ANXA8: variants seen among roughly 807,000 people sequenced by gnomAD.
ANXA8 encodes annexin A8, also known as VAC-beta.
A neutral mutation model predicts 26.8 loss-of-function variants in ANXA8; 9 were observed. That is an observed-to-expected ratio of 0.34 (90% CI 0.20 to 0.59). The LOEUF is 0.59. ANXA8 is among the 20% of genes least tolerant of loss of function. ANXA8 has a pLI of 0.84. For missense variants in ANXA8, 83 were observed against 238.5 expected, an observed-to-expected ratio of 0.35 and a Z score of 4.29; for synonymous variants, 39 against 94.8, an observed-to-expected ratio of 0.41 and a Z score of 3.42.
At chr10:47,937,381 C>T in the ANXA8 span, among the ~76,000 whole-genome samples, 1 of 149,256 alleles carries the variant, frequency 6.7e-6, no homozygotes, top group Non-Finnish European at 1.5e-5. Flanking sequence ...AATTTGTGCT[C>T]TTCTAAGAGT....
the ANXA8 span, chr10:47,690,812 A>G: frequency 1.1e-5 from 17 of 1,611,084 alleles, no homozygotes; most frequent in Middle Eastern, 6.8e-4. Flanking sequence ...TCCCAACTAA[A>G]TACCTTCCAC....
the ANXA8 span, among the ~76,000 whole-genome samples, chr10:47,513,089 C>G: frequency 2.1e-5 from 3 of 144,262 alleles, no homozygotes; most frequent in African/African-American, 7.8e-5. Flanking sequence ...CTGGAGTATG[C>G]AATGCGGTGA....
At chr10:47,762,378 C>G in the ANXA8 span, among the ~76,000 whole-genome samples, 2 of 130,226 alleles carry the variant, frequency 1.5e-5, no homozygotes, top group African/African-American at 5.7e-5. Context: ...GGGTGACGTG[C>G]GGCCGCGGGG....
the ANXA8 span, among the ~76,000 whole-genome samples, chr10:47,725,231 CTGTT>C: frequency 9.5e-4 from 46 of 48,350 alleles, no homozygotes; most frequent in African/African-American, 3.8e-3. Context: ...TGGTAACTGT[CTGTT>C]TAACCTTTTG....
chr10:47,950,874 T>C, the ANXA8 span, among the ~76,000 whole-genome samples: 302 of 150,648 alleles, frequency 2.0e-3, 2 homozygotes, highest in African/African-American at 6.1e-3. Context: ...ATATAAAAAG[T>C]CCAAGGTCAA....
chr10:47,483,666 C>G (rs1839933525), intron 1 of ANXA8, among the ~76,000 whole-genome samples: 1 of 147,070 alleles, frequency 6.8e-6, no homozygotes, highest in South Asian at 2.2e-4. Context: ...CCTCAGCTTC[C>G]CCCTTGCATT....
chr10:47,942,532 C>A, the ANXA8 span, among the ~76,000 whole-genome samples: 1 of 139,106 alleles, frequency 7.2e-6, no homozygotes, highest in Admixed American at 7.3e-5. Context: ...GTTGCCAAGG[C>A]TCCTGAGTAG....
At chr10:47,533,185 TCACACACACACACACACACA>T in the ANXA8 span, among the ~76,000 whole-genome samples, 1 of 102,396 alleles carries the variant, frequency 9.8e-6, no homozygotes, top group Admixed American at 1.0e-4. Flanking sequence ...TAAACACACA[TCACACACACACACACACACA>T]CACACACACA....
the ANXA8 span, among the ~76,000 whole-genome samples, chr10:47,571,781 G>T: frequency 6.9e-6 from 1 of 145,972 alleles, no homozygotes; most frequent in East Asian, 2.0e-4. Context: ...AGAACCATAG[G>T]CGTGCGCAAC....
the ANXA8 span, among the ~76,000 whole-genome samples, chr10:47,768,172 A>G: frequency 0.016 from 2,370 of 146,314 alleles, 23 homozygotes; most frequent in African/African-American, 0.031. Context: ...TAGGGATGGG[A>G]TCTTTTCAGC....
At chr10:47,501,875 C>T in the ANXA8 span, 2 of 801,886 alleles carry the variant, frequency 2.5e-6, no homozygotes, top group Non-Finnish European at 1.9e-6. Context: ...CTGAGACTAA[C>T]ACATCCACCT....
chr10:47,651,599 A>G, the ANXA8 span, among the ~76,000 whole-genome samples: 1 of 150,178 alleles, frequency 6.7e-6, no homozygotes, highest in Non-Finnish European at 1.5e-5. Context: ...GAATGGATAA[A>G]CAATACGTGG....
At chr10:47,727,448 T>C in the ANXA8 span, among the ~76,000 whole-genome samples, 10 of 152,208 alleles carry the variant, frequency 6.6e-5, no homozygotes, top group African/African-American at 2.4e-4. Context: ...GATTGCTTTA[T>C]CTTTCAATAG....
chr10:47,748,588 G>A, the ANXA8 span, among the ~76,000 whole-genome samples: 1 of 152,198 alleles, frequency 6.6e-6, no homozygotes, highest in African/African-American at 2.4e-5. Context: ...GCAGGTAGGA[G>A]GGACACATTT....
the ANXA8 span, among the ~76,000 whole-genome samples, chr10:47,945,598 C>T: frequency 7.0e-6 from 1 of 143,754 alleles, no homozygotes; most frequent in East Asian, 2.2e-4. Context: ...GGATCAGCCT[C>T]TTCCTGGATG....
At chr10:47,574,308 G>A in the ANXA8 span, among the ~76,000 whole-genome samples, 1 of 128,044 alleles carries the variant, frequency 7.8e-6, no homozygotes, top group Admixed American at 8.4e-5. Context: ...TAGAGACGGG[G>A]TTTCACCATT....
chr10:47,564,878 C>T, the ANXA8 span: 20 of 1,370,058 alleles, frequency 1.5e-5, 2 homozygotes, highest in African/African-American at 1.3e-4. Flanking sequence ...CTACCAGAGC[C>T]ACTTCTTGCG....
chr10:47,631,413 TCTTTGCACAGTAAGGC>T, the ANXA8 span, among the ~76,000 whole-genome samples: 2 of 151,424 alleles, frequency 1.3e-5, no homozygotes, highest in Admixed American at 1.3e-4. Flanking sequence ...CAAATTTAAA[TCTTTGCACAGTAAGGC>T]CTTATATGTA....
At chr10:47,974,459 T>C in the ANXA8 span, among the ~76,000 whole-genome samples, 145 of 148,792 alleles carry the variant, frequency 9.7e-4, 3 homozygotes, top group African/African-American at 3.2e-3. Flanking sequence ...GTTTGCTCTT[T>C]TTCTCTAGTT....
Sources: allele counts gnomAD v4.1 joint callset (sites outside exome capture counted in the v4.1 genomes callset), GRCh38; gene constraint gnomAD v4.1.1; transcripts MANE v1.5; gene names NCBI Gene and HGNC (gene_info 2026-07-23, HGNC 2026-07-21).